THBS4: variants seen among roughly 807,000 people sequenced by gnomAD.
THBS4 encodes the protein thrombospondin 4, also known as thrombospondin-4.
Under a neutral mutation model 115.7 loss-of-function variants are expected in THBS4, and 90 were observed. That is an observed-to-expected ratio of 0.78 (90% CI 0.66 to 0.93). The LOEUF (loss-of-function observed/expected upper bound fraction) is 0.93, where lower values mean the gene tolerates loss of function less well. THBS4 is among the 40% of genes least tolerant of loss of function. The pLI is 0.00. For synonymous variants in THBS4, 460 were observed against 479.3 expected (o/e 0.96, Z 0.53); for missense variants, 1,087 against 1,232.7 (o/e 0.88, Z 1.77).
chr5:80,039,245 G>A (rs1315667317), intron 1 of THBS4, among the ~76,000 whole-genome samples: 1 of 152,198 alleles, frequency 6.6e-6, no homozygotes, highest in East Asian at 1.9e-4. Flanking sequence ...TCTGCTAATA[G>A]ATATACTAAA....
chr5:80,078,478 T>G (rs1743327563), intron 17 of THBS4, among the ~76,000 whole-genome samples: 1 of 152,230 alleles, frequency 6.6e-6, no homozygotes, highest in South Asian at 2.1e-4. Context: ...CTGAGATGAC[T>G]GGAATTGGGA....
At chr5:80,030,615 C>A (rs1328904116), upstream of THBS4, among the ~76,000 whole-genome samples, 1 of 152,164 alleles carries the variant, frequency 6.6e-6, no homozygotes, top group Non-Finnish European at 1.5e-5. Flanking sequence ...GATCCACCGG[C>A]CTCGGCCTCC....
At chr5:80,020,745 T>A (rs967063215) in intron 2 of THBS4, among the ~76,000 whole-genome samples, 2 of 152,136 alleles carry the variant, frequency 1.3e-5, no homozygotes, top group Non-Finnish European at 2.9e-5. Flanking sequence ...CTGATGGCAA[T>A]CTCGGGCACG....
chr5:80,071,275 C>G, intron 13 of THBS4, 95 bp downstream of exon 13: 1 of 1,489,188 alleles, frequency 6.7e-7, no homozygotes, highest in South Asian at 1.5e-5. Flanking sequence ...TGATTCGGAG[C>G]CTTCCAGCTG....
intron 2 of THBS4, among the ~76,000 whole-genome samples, chr5:80,023,442 CT>C (rs1832417763): frequency 6.6e-6 from 1 of 152,160 alleles, no homozygotes; most frequent in South Asian, 2.1e-4. Flanking sequence ...CTGTATTTTC[CT>C]TCCATTTACA....
chr5:80,034,923 G>A (rs1832660771), upstream of THBS4, among the ~76,000 whole-genome samples: 1 of 152,138 alleles, frequency 6.6e-6, no homozygotes, highest in Non-Finnish European at 1.5e-5. Context: ...AACCCAAGGT[G>A]GGCATTCAAA....
intron 6 of THBS4, 67 bp downstream of exon 6, chr5:80,059,558 G>A: frequency 1.3e-6 from 2 of 1,599,994 alleles, no homozygotes. Flanking sequence ...GGCTTGCGGT[G>A]AGGCTGTGTT....
intron 2 of THBS4, among the ~76,000 whole-genome samples, chr5:80,028,564 T>C (rs554358667): frequency 3.9e-5 from 6 of 151,996 alleles, no homozygotes; most frequent in Admixed American, 1.3e-4. Context: ...GTTCAAGCGA[T>C]TCTCCTGCCT....
At chr5:80,067,320 G>T (rs1833866255) in intron 9 of THBS4, 1 of 151,616 alleles carries the variant, frequency 6.6e-6, no homozygotes, top group African/African-American at 2.4e-5. Context: ...CCTCAATAAA[G>T]ATGAAAATTT....
chr5:80,020,676 G>A lies in THBS4; in HGVS notation n.178-19401G>A, dbSNP rs538256971. 5.9e-5 allele frequency among the ~76,000 whole-genome samples: 9 copies of A among 152,238 alleles called. No homozygotes were observed. The South Asian group carries it at 6.2e-4, about 11-fold the overall frequency. On this transcript the variant is annotated intron_variant and non_coding_transcript_variant, in intron 2 of 3. Coordinates refer to the THBS4 transcript ENST00000510218. ...AGCAGCAGGCAGCTGAATGAGGAAA[G>A]AACGTGGGATTCAGAGTCATCACAC...
At chr5:80,066,958 T>C (rs1270727000) in intron 9 of THBS4, 1 of 152,260 alleles carries the variant, frequency 6.6e-6, no homozygotes. Flanking sequence ...TTGGAAAGCA[T>C]GCATTGGATT....
Position 80,055,960 on chromosome 5 carries a change from C to T in THBS4, c.468C>T (p.Leu156=), listed in dbSNP as rs1561312977. Residue 156 remains leucine, a synonymous_variant, in exon 3 of 22, where the codon CTC becomes CTT. Transcript: ENST00000350881. ...DCIQVDSVHN[L]PRAFAGPSQK... is the part of the protein sequence containing the mutation. ...TCCAGGTGGATTCCGTTCACAATCTCCCCAGGGCCTTTGCTGGCCCCTCCC... is the reference window on the plus strand; with the variant it reads ...TCCAGGTGGATTCCGTTCACAATCTTCCCAGGGCCTTTGCTGGCCCCTCCC... 3 of 1,614,164 alleles carry T rather than the reference C, an allele frequency of 1.9e-6. No homozygotes were observed. In the South Asian group the frequency reaches 3.3e-5, roughly 18 times the overall value.
Position 80,065,416 on chromosome 5 carries a change from C to G in THBS4, c.1133C>G (p.Thr378Ser). ...TGAACTTTTCTGCACTAGGTCTGCA[C>G]TGACATTGATGAGTGTCGAAATGGA... ...SFAKSNKQVC[T>S]DIDECRNGAC... Residue 378 changes from threonine (T) to serine (S), a missense_variant, in exon 9 of 22, where the codon ACT (threonine) becomes AGT (serine). Physicochemically the swap from Thr to Ser is moderately conservative, Grantham distance 58. Transcript: ENST00000350881. 6.2e-7 allele frequency: 1 copy of G among 1,613,050 alleles called. No homozygotes were observed.
intron 1 of THBS4, among the ~76,000 whole-genome samples, chr5:80,038,170 A>G (rs1277631284): frequency 6.6e-6 from 1 of 152,188 alleles, no homozygotes; most frequent in African/African-American, 2.4e-5. Context: ...CAAAAAATAA[A>G]ATAAAAAGAA....
At chr5:80,055,656 T>C in intron 2 of THBS4, 129 bp from the exon 3 acceptor site, 1 of 1,317,550 alleles carries the variant, frequency 7.6e-7, no homozygotes, top group Non-Finnish European at 1.0e-6. Context: ...TCACTCACAT[T>C]CCGTCCAGCA....
intron 9 of THBS4, 42 bp from the exon 10 acceptor site, chr5:80,067,931 C>T (rs1274683186): frequency 2.5e-6 from 4 of 1,604,964 alleles, no homozygotes; most frequent in Admixed American, 3.4e-5. Flanking sequence ...TGTACCTTTG[C>T]CCACAGCTTT....
chr5:80,028,335 C>T (rs1193342434), intron 2 of THBS4, among the ~76,000 whole-genome samples: 2 of 152,166 alleles, frequency 1.3e-5, no homozygotes, highest in Admixed American at 1.3e-4. Flanking sequence ...TCAACAGAGT[C>T]ACCAGTGACT....
At chr5:80,070,523 T>A (rs1354929823) in intron 11 of THBS4, 113 bp downstream of exon 11, 3 of 1,378,264 alleles carry the variant, frequency 2.2e-6, no homozygotes, top group African/African-American at 1.4e-5. Flanking sequence ...GTAAAGTAGC[T>A]GCATCTCAGA....
intron 2 of THBS4, among the ~76,000 whole-genome samples, chr5:80,029,227 C>T (rs2170): frequency 0.24 from 35,815 of 151,850 alleles, 4,615 homozygotes; most frequent in African/African-American, 0.35. Flanking sequence ...CATTACACTC[C>T]ACATCATATT....
Sources: gnomAD v4.1 joint callset for allele counts (sites outside exome capture counted in the v4.1 genomes callset) on GRCh38, gnomAD v4.1.1 for gene constraint, MANE v1.5 for transcripts, NCBI Gene and HGNC (gene_info 2026-07-23, HGNC 2026-07-21) for gene names.